IRAG2: variants seen among roughly 807,000 people sequenced by gnomAD.
The protein encoded by IRAG2 is inositol 1,4,5-triphosphate receptor associated 2, also known as lymphoid restricted membrane protein.
Under a neutral mutation model 69.9 loss-of-function variants are expected in IRAG2, and 45 were observed. The observed-to-expected ratio is 0.64, with a 90% CI of 0.51 to 0.83. The LOEUF is 0.83. Among genes scored for constraint, IRAG2 ranks in the 40% least tolerant of loss-of-function variants. IRAG2 has a pLI of 0.00. For synonymous variants in IRAG2, 193 were observed against 202.4 expected, an observed-to-expected ratio of 0.95 and a Z score of 0.40; for missense variants, 520 against 587.0, an observed-to-expected ratio of 0.89 and a Z score of 1.18.
Position 25,088,104 on chromosome 12 carries a change from C to T in IRAG2, c.320C>T (p.Ala107Val), listed in dbSNP as rs776760281. Residue 107 changes from alanine to valine, a missense_variant, in exon 11 of 22, where the codon GCC becomes GTC. Ala to Val is a moderately conservative substitution (Grantham distance 64). Transcript: ENST00000556887. ...GGTAAAATCTTATGATTTTAGGAAG[C>T]CAAAGAGGAACCAGAAACAATAGAA... ...SKDKTILNLE[A>V]KEEPETIEEH... 1.2e-6 allele frequency: 2 copies of T among 1,610,834 alleles called. No homozygotes were observed. Among genetic ancestry groups the T allele is most frequent in the Non-Finnish European group, 1.7e-6 (2 of 1,177,208 alleles).
At chr12:25,077,443 A>G (rs1038590280) in intron 6 of IRAG2, among the ~76,000 whole-genome samples, 2 of 132,052 alleles carry the variant, frequency 1.5e-5, no homozygotes, top group African/African-American at 5.6e-5. Context: ...AAAAATTACT[A>G]ATATAATTTA....
chr12:25,078,157 T>G (rs1946953521), intron 6 of IRAG2, among the ~76,000 whole-genome samples: 1 of 152,204 alleles, frequency 6.6e-6, no homozygotes, highest in African/African-American at 2.4e-5. Context: ...AAATCTTTTC[T>G]TGCTAAAATC....
chr12:25,026,805 T>G, exon 9 of IRAG2: 4 of 1,226,880 alleles, frequency 3.3e-6, no homozygotes. Context: ...AAGAACATCA[T>G]GGATATAGAC....
intron 14 of IRAG2, among the ~76,000 whole-genome samples, chr12:25,036,307 A>G (rs1216961654): frequency 1.3e-5 from 2 of 152,238 alleles, no homozygotes; most frequent in East Asian, 3.8e-4. Flanking sequence ...GGTAAAAATA[A>G]GTGAAAATGG....
intron 6 of IRAG2, 62 bp from the exon 7 acceptor site, chr12:25,079,182 A>G: frequency 4.5e-6 from 7 of 1,544,966 alleles, no homozygotes; most frequent in Non-Finnish European, 6.3e-6. Context: ...TGCTTAAAAC[A>G]ACCTCTTTGG....
chr12:25,104,716 A>G (rs1948937219), intron 20 of IRAG2, among the ~76,000 whole-genome samples: 1 of 152,190 alleles, frequency 6.6e-6, no homozygotes, highest in Non-Finnish European at 1.5e-5. Flanking sequence ...ATATTTGTGA[A>G]GATAATTTTT....
intron 1 of IRAG2, chr12:25,005,149 T>C (rs1944421236): frequency 1.7e-6 from 1 of 582,416 alleles, no homozygotes; most frequent in South Asian, 9.3e-5. Flanking sequence ...TTTATTATGA[T>C]AGGTTTTCTT....
At chr12:25,041,020 A>G (rs572038707) in intron 16 of IRAG2, among the ~76,000 whole-genome samples, 2 of 152,350 alleles carry the variant, frequency 1.3e-5, no homozygotes, top group East Asian at 3.9e-4. Context: ...TAGCCAGGAA[A>G]GTCCTGCCTG....
intron 1 of IRAG2, among the ~76,000 whole-genome samples, chr12:25,055,370 T>A (rs1019804262): frequency 2.0e-5 from 3 of 152,244 alleles, no homozygotes; most frequent in African/African-American, 7.2e-5. Context: ...CTTATATATT[T>A]TATTTCTTCT....
rs187140612 is a variant in IRAG2, at chr12:25,029,259, C to A, written c.1462-1019C>A. 3.3e-5 allele frequency among the ~76,000 whole-genome samples: 5 copies of A among 152,302 alleles called. No individual in the cohort carries two copies. In the East Asian group the frequency reaches 5.8e-4, roughly 18 times the overall value. On this transcript the variant is annotated intron_variant, in intron 9 of 38. Transcript: ENST00000636465. ...CTTAGACATTAAAATTAATTCTACA[C>A]TAGGAGTGGCTGTCTTTGCAAAACA... is the stretch of plus-strand genomic sequence containing the variant.
chr12:25,100,015 A>AAAAAAAAAAAAAAAAAAAAAAAG (rs1175416844), intron 15 of IRAG2, among the ~76,000 whole-genome samples: 1 of 150,194 alleles, frequency 6.7e-6, no homozygotes, highest in Non-Finnish European at 1.5e-5. Flanking sequence ...AAAAAAAAAA[A>AAAAAAAAAAAAAAAAAAAAAAAG]AAAAAAAAAA....
chr12:25,015,088 G>GAAAAAAAAAAAAAAAAAAA lies in IRAG2; in HGVS notation c.897-88_897-70dup. Reference sequence around the variant, plus strand: ...AAAGGAAAGTACAGAGCATAAATCTGAAAAAAAAAAAAAAAAAAAAAAAAG... The same window carrying GAAAAAAAAAAAAAAAAAAA: ...AAAGGAAAGTACAGAGCATAAATCTGAAAAAAAAAAAAAAAAAAAAAAAAAAAAAAAAAAAAAAAAAAAG... On this transcript the variant is annotated intron_variant, in intron 3 of 38. Coordinates refer to the IRAG2 transcript ENST00000636465. The GAAAAAAAAAAAAAAAAAAA allele has an allele frequency of 5.7e-4, 29 of 50,890 alleles. 1 individual carries two copies. Among genetic ancestry groups the GAAAAAAAAAAAAAAAAAAA allele is most frequent in the Admixed American group, 1.3e-3 (3 of 2,254 alleles). The allele number at this position is 50,890 out of a possible 1,614,324, so 3.2% of individuals were successfully genotyped here.
chr12:25,079,591 G>C (rs1947057702), intron 8 of IRAG2, 65 bp from the exon 9 acceptor site: 1 of 1,282,150 alleles, frequency 7.8e-7, no homozygotes. Flanking sequence ...GCATAGTATA[G>C]TTAAATACAC....
intron 10 of IRAG2, among the ~76,000 whole-genome samples, chr12:25,083,740 A>T (rs1009574510): frequency 6.6e-6 from 1 of 152,222 alleles, no homozygotes; most frequent in Admixed American, 6.5e-5. Flanking sequence ...TTGTTCATTC[A>T]TTCATTTGCT....
At chr12:25,022,409 G>T (rs1248048972) in intron 7 of IRAG2, among the ~76,000 whole-genome samples, 2 of 152,016 alleles carry the variant, frequency 1.3e-5, no homozygotes, top group South Asian at 2.1e-4. Flanking sequence ...TGGGAGGATT[G>T]CTTGAACCTA....
intron 10 of IRAG2, among the ~76,000 whole-genome samples, chr12:25,084,136 C>T (rs1947409723): frequency 6.6e-6 from 1 of 152,094 alleles, no homozygotes; most frequent in Non-Finnish European, 1.5e-5. Flanking sequence ...GCCTGTAATC[C>T]CAGCACTTTG....
intron 6 of IRAG2, among the ~76,000 whole-genome samples, chr12:25,019,024 G>T (rs1018942584): frequency 6.6e-6 from 1 of 152,142 alleles, no homozygotes; most frequent in East Asian, 1.9e-4. Flanking sequence ...ACTTGCAACC[G>T]GGATGGCTTG....
intron 5 of IRAG2, among the ~76,000 whole-genome samples, chr12:25,015,873 T>C (rs1045499058): frequency 3.4e-4 from 51 of 152,224 alleles, no homozygotes; most frequent in African/African-American, 1.2e-3. Flanking sequence ...CTTTATTTTA[T>C]CTTTGCCACT....
chr12:25,090,779 G>A (rs2140172201), intron 14 of IRAG2: 1 of 447,242 alleles, frequency 2.2e-6, no homozygotes, highest in South Asian at 1.6e-5. Flanking sequence ...TAGGTTGCAT[G>A]AGTCATCTGC....
Sources: gnomAD v4.1 joint callset for allele counts (sites outside exome capture counted in the v4.1 genomes callset) on GRCh38, gnomAD v4.1.1 for gene constraint, MANE v1.5 for transcripts, NCBI Gene and HGNC (gene_info 2026-07-23, HGNC 2026-07-21) for gene names.